The following CCDC77 variants were observed in gnomAD, a reference collection of about 807,000 sequenced individuals.
CCDC77 encodes the protein coiled-coil domain containing 77, also known as coiled-coil domain-containing protein 77.
In CCDC77, 56 loss-of-function variants were observed where a neutral mutation model predicts 66.8. That is an observed-to-expected ratio of 0.84 (90% CI 0.68 to 1.05). CCDC77 has a LOEUF of 1.05. Among genes scored for constraint, CCDC77 ranks in the 50% least tolerant of loss-of-function variants. CCDC77 has a pLI of 0.00. For missense variants in CCDC77, 570 were observed against 576.8 expected (o/e 0.99, Z 0.12); for synonymous variants, 196 against 195.2 (o/e 1.00, Z -0.03).
chr12:409,954 C>T (rs1789421832), intron 3 of CCDC77, among the ~76,000 whole-genome samples: 1 of 149,424 alleles, frequency 6.7e-6, no homozygotes, highest in East Asian at 2.0e-4. Flanking sequence ...GCTCAGATCA[C>T]GCCACTGCAC....
chr12:426,573 G>T (rs554243953), intron 5 of CCDC77, among the ~76,000 whole-genome samples: 1 of 152,282 alleles, frequency 6.6e-6, no homozygotes, highest in East Asian at 1.9e-4. Context: ...TGCCCCAGAA[G>T]CCAAGAAGCT....
intron 9 of CCDC77, 107 bp from the exon 10 acceptor site, chr12:438,228 T>C (rs1448251116): frequency 1.2e-5 from 9 of 768,056 alleles, no homozygotes; most frequent in Non-Finnish European, 4.2e-6. Context: ...AAAATTTATA[T>C]ATCACACCAT....
chr12:401,383 A>G (rs1944891037), upstream of CCDC77, among the ~76,000 whole-genome samples: 1 of 152,124 alleles, frequency 6.6e-6, no homozygotes, highest in East Asian at 1.9e-4. Context: ...CTGACCCCAA[A>G]CGTCACACTA....
At chr12:406,450 A>C (rs1043592713) in intron 2 of CCDC77, among the ~76,000 whole-genome samples, 16 of 152,246 alleles carry the variant, frequency 1.1e-4, no homozygotes, top group Non-Finnish European at 2.2e-4. Flanking sequence ...TTTTTACCGC[A>C]GTGAACAAGG....
upstream of CCDC77, among the ~76,000 whole-genome samples, chr12:397,375 C>T (rs550911988): frequency 5.3e-5 from 8 of 151,868 alleles, no homozygotes; most frequent in South Asian, 1.0e-3. Context: ...CAAAAGATAC[C>T]GAGCCGAGAT....
rs778434808 is a variant in CCDC77 at position 438,497 on chromosome 12, T to C, written c.984T>C (p.Ile328=). The part of the protein sequence containing the change: ...RVQCKKKEDK[I]GKVLPVMHES... ...AGTGTAAGAAGAAAGAAGATAAAAT[T>C]GGAAAAGTGTTGCCCGTTATGCATG... is the stretch of plus-strand genomic sequence containing the variant. The change falls in exon 10 of 13, where the codon ATT becomes ATC. Residue 328 remains isoleucine (I), a synonymous_variant. Transcript: ENST00000239830. 1 of 1,614,110 alleles carries C rather than the reference T, an allele frequency of 6.2e-7. No individual in the cohort carries two copies. Among genetic ancestry groups the C allele is most frequent in the Non-Finnish European group, 8.5e-7 (1 of 1,179,966 alleles).
At chr12:426,205 C>T (rs1282058829) in intron 5 of CCDC77, among the ~76,000 whole-genome samples, 1 of 152,208 alleles carries the variant, frequency 6.6e-6, no homozygotes, top group Non-Finnish European at 1.5e-5. Context: ...AAAGCGTTAA[C>T]ATGGCCCTGG....
chr12:439,474 C>G (rs1365904620), intron 10 of CCDC77, among the ~76,000 whole-genome samples: 2 of 149,254 alleles, frequency 1.3e-5, no homozygotes, highest in Non-Finnish European at 3.0e-5. Flanking sequence ...GAGCTGAGAT[C>G]ATGCGATTGT....
chr12:442,047 A>T lies in CCDC77; in HGVS notation c.*127A>T. On this transcript the variant is annotated 3_prime_UTR_variant, in exon 13 of 13. Coordinates refer to ENST00000239830, the MANE Select transcript of CCDC77 (RefSeq NM_032358.4). ...AGTGGTGGTATTCATTATTGTAAAG[A>T]CAGCTTGAAGAATCGGGGACCACTA... 1.0e-6 allele frequency: 1 copy of T among 1,000,694 alleles called. No individual in the cohort carries two copies. The highest frequency in any genetic ancestry group is 3.3e-4 in the Middle Eastern group (1 of 3,038). 62.0% of individuals were successfully genotyped at this position (1,000,694 alleles called of 1,614,324 possible).
chr12:430,745 C>T lies in CCDC77; in HGVS notation c.583+9C>T, dbSNP rs1945633950. 1 of 1,598,542 alleles carries T rather than the reference C, an allele frequency of 6.3e-7. No homozygotes were observed. The highest frequency in any genetic ancestry group is 8.6e-7 in the Non-Finnish European group (1 of 1,165,868). ...TTCAGCTTTCAAAGCAGGTAACAAC[C>T]ATATAACCTATTAGAAATTCTCATC... is the stretch of plus-strand genomic sequence containing the variant. On this transcript the variant is annotated intron_variant, in intron 7 of 12. Coordinates refer to ENST00000239830, the MANE Select transcript of CCDC77 (RefSeq NM_032358.4).
intron 6 of CCDC77, among the ~76,000 whole-genome samples, chr12:430,273 A>G (rs1030764127): frequency 6.6e-6 from 1 of 152,178 alleles, no homozygotes; most frequent in African/African-American, 2.4e-5. Context: ...GATTATAGGC[A>G]TGAGCCACCG....
chr12:427,858 AGT>A (rs1945564638), intron 5 of CCDC77, among the ~76,000 whole-genome samples: 3 of 152,166 alleles, frequency 2.0e-5, no homozygotes, highest in Non-Finnish European at 4.4e-5. Context: ...CAGACTGTAC[AGT>A]GGAGATTTGC....
At chr12:410,267 G>GT (rs5795915) in intron 3 of CCDC77, among the ~76,000 whole-genome samples, 95,811 of 148,650 alleles carry the variant, frequency 0.64, 31,712 homozygotes, top group Non-Finnish European at 0.75. Flanking sequence ...TACTATTTTT[G>GT]TTTTTTTTTT....
At chr12:439,919 T>A (rs1322132090) in intron 10 of CCDC77, among the ~76,000 whole-genome samples, 2 of 152,238 alleles carry the variant, frequency 1.3e-5, no homozygotes, top group Non-Finnish European at 2.9e-5. Flanking sequence ...TTATATCTAG[T>A]GTTTCTGCTG....
intron 9 of CCDC77, chr12:436,711 A>T (rs754266378): frequency 1.1e-6 from 1 of 933,824 alleles, no homozygotes; most frequent in Non-Finnish European, 1.3e-6. Context: ...TTTCCAGAAT[A>T]CCAGTAACCT....
At position 411,787 on chromosome 12, in the gene CCDC77, C is replaced by T. The variant is rs550926839; in HGVS notation, c.79C>T (p.Pro27Ser). 8 of 1,613,990 alleles carry T rather than the reference C, an allele frequency of 5.0e-6. No homozygotes were observed. The East Asian group carries it at 8.9e-5, about 18-fold the overall frequency. Residue 27 changes from proline to serine, a missense_variant, in exon 4 of 13, where the codon CCC becomes TCC. Physicochemically the swap from Pro to Ser is moderately conservative, Grantham distance 74 (BLOSUM62 -1). Coordinates refer to ENST00000239830, the MANE Select transcript of CCDC77 (RefSeq NM_032358.4). ...CAAACGTGGTGTTGCCGTCAGTGGT[C>T]CCACCAAGAGGAGGGGAATGGCAGA... ...VSKRGVAVSG[P>S]TKRRGMADSL...
upstream of CCDC77, among the ~76,000 whole-genome samples, chr12:398,690 GTTA>G (rs151215536): frequency 8.3e-4 from 126 of 151,634 alleles, no homozygotes; most frequent in Non-Finnish European, 1.5e-3. Context: ...CCAAACTCCT[GTTA>G]TTATTGATAT....
At chr12:435,843 A>G (rs1268383628) in intron 9 of CCDC77, among the ~76,000 whole-genome samples, 2 of 152,100 alleles carry the variant, frequency 1.3e-5, no homozygotes, top group African/African-American at 2.4e-5. Context: ...GGCGCAAGCA[A>G]TCCTCCTGCC....
intron 1 of CCDC77, among the ~76,000 whole-genome samples, chr12:391,897 A>G (rs974834883): frequency 2.0e-5 from 3 of 152,244 alleles, no homozygotes; most frequent in African/African-American, 7.2e-5. Context: ...TGGTGCGAAC[A>G]GAAGAAACTT....
Sources: allele counts gnomAD v4.1 joint callset (sites outside exome capture counted in the v4.1 genomes callset), GRCh38; gene constraint gnomAD v4.1.1; transcripts MANE v1.5; gene names NCBI Gene and HGNC (gene_info 2026-07-23, HGNC 2026-07-21).